The following FLRT2 variants were observed in gnomAD, a reference collection of about 807,000 sequenced individuals.
FLRT2 encodes the protein fibronectin leucine rich transmembrane protein 2, also known as leucine-rich repeat transmembrane protein FLRT2.
A neutral mutation model predicts 40.0 loss-of-function variants in FLRT2; 15 were observed. The ratio of observed to expected loss-of-function variants is 0.38; its 90% CI spans 0.25 to 0.58. The LOEUF (loss-of-function observed/expected upper bound fraction) is 0.58, where lower values mean the gene tolerates loss of function less well. Among genes scored for constraint, FLRT2 ranks in the 20% least tolerant of loss-of-function variants. The pLI is 0.71. For synonymous variants in FLRT2, 380 were observed against 336.8 expected, an observed-to-expected ratio of 1.13 and a Z score of -1.41; for missense variants, 726 against 840.0, an observed-to-expected ratio of 0.86 and a Z score of 1.68.
chr14:85,606,181 G>C (rs1337762801), intron 1 of FLRT2, among the ~76,000 whole-genome samples: 3 of 152,144 alleles, frequency 2.0e-5, no homozygotes, highest in Non-Finnish European at 2.9e-5. Context: ...CTTGGTGAGC[G>C]CACAGCTCAA....
In FLRT2 at chr14:85,648,202, T is replaced by A. The variant is rs1305060874; in HGVS notation, c.*24705T>A. ...GAATAGTTACTGTATGTTAGGCAGGTGCATGTTGTTATTGCTACTTTTTTC... is the reference window on the plus strand; with the variant it reads ...GAATAGTTACTGTATGTTAGGCAGGAGCATGTTGTTATTGCTACTTTTTTC... On this transcript the variant is annotated 3_prime_UTR_variant, in exon 2 of 2. Transcript: ENST00000330753. The A allele has an allele frequency of 2.0e-5, 3 of 152,134 alleles. No homozygotes were observed. Among genetic ancestry groups the A allele is most frequent in the African/African-American group, 7.2e-5 (3 of 41,432 alleles). 9.4% of individuals were successfully genotyped at this position (152,134 alleles called of 1,614,324 possible). A position where few individuals can be genotyped will look rare whatever the true frequency, so the allele number is the denominator to read the frequency against.
At chr14:85,555,336 C>A (rs1889881881) in intron 1 of FLRT2, among the ~76,000 whole-genome samples, 1 of 152,126 alleles carries the variant, frequency 6.6e-6, no homozygotes, top group Admixed American at 6.6e-5. Context: ...CTACCTGAGA[C>A]TGGGTAATTT....
chr14:85,620,355 G>T (rs1225363015), intron 1 of FLRT2, among the ~76,000 whole-genome samples: 1 of 152,054 alleles, frequency 6.6e-6, no homozygotes, highest in Non-Finnish European at 1.5e-5. Context: ...TTAAGTATAT[G>T]TATAGAAAAA....
At position 85,647,303 on chromosome 14, in the gene FLRT2, G is replaced by A. The variant is rs1053936441; in HGVS notation, c.*23806G>A. The A allele has an allele frequency of 1.3e-5, 2 of 152,112 alleles. No homozygotes were observed. The highest frequency in any genetic ancestry group is 4.8e-5 in the African/African-American group (2 of 41,420). The allele number at this position is 152,112 out of a possible 1,614,324, so 9.4% of individuals were successfully genotyped here. A position where few individuals can be genotyped will look rare whatever the true frequency, so the allele number is the denominator to read the frequency against. ...GTTTACTAACTTACTTAACAGAGGAGTTTTGTTTTCTTGTTATCTGTAGCA... is the reference window on the plus strand; with the variant it reads ...GTTTACTAACTTACTTAACAGAGGAATTTTGTTTTCTTGTTATCTGTAGCA... On this transcript the variant is annotated 3_prime_UTR_variant, in exon 2 of 2. Coordinates refer to ENST00000330753, the MANE Select transcript of FLRT2 (RefSeq NM_013231.6).
intron 1 of FLRT2, among the ~76,000 whole-genome samples, chr14:85,543,924 A>G (rs945988593): frequency 1.3e-5 from 2 of 151,864 alleles, no homozygotes; most frequent in East Asian, 1.9e-4. Context: ...TTACATGTCT[A>G]TCTCGCTCAT....
At chr14:85,534,971 C>T (rs939489862) in intron 1 of FLRT2, among the ~76,000 whole-genome samples, 3 of 152,104 alleles carry the variant, frequency 2.0e-5, no homozygotes, top group African/African-American at 4.8e-5. Context: ...AATCAGTCTT[C>T]AAGAGCTTTT....
At chr14:85,545,882 C>T (rs555657604) in intron 1 of FLRT2, among the ~76,000 whole-genome samples, 8 of 152,226 alleles carry the variant, frequency 5.3e-5, no homozygotes, top group East Asian at 1.9e-4. Flanking sequence ...TAATGGACAA[C>T]GGAATGACCA....
In FLRT2 at chr14:85,626,619, A is replaced by C. The variant is rs1893692620; in HGVS notation, c.*3122A>C. ...TTTGATTATAGAGAGACTCTGGGCC[A>C]CCCTCAAACACCGTCAGATGCATTA... On this transcript the variant is annotated 3_prime_UTR_variant, in exon 2 of 2. Coordinates refer to ENST00000330753, the MANE Select transcript of FLRT2 (RefSeq NM_013231.6). 6.0e-6 allele frequency: 1 copy of C among 167,068 alleles called. No homozygotes were observed. Among genetic ancestry groups the C allele is most frequent in the South Asian group, 2.1e-4 (1 of 4,830 alleles). 10.3% of individuals were successfully genotyped at this position (167,068 alleles called of 1,614,324 possible). A position where few individuals can be genotyped will look rare whatever the true frequency, so the allele number is the denominator to read the frequency against.
intron 1 of FLRT2, among the ~76,000 whole-genome samples, chr14:85,583,862 C>A (rs573443163): frequency 6.6e-6 from 1 of 151,566 alleles, no homozygotes; most frequent in Non-Finnish European, 1.5e-5. Context: ...TGCAAAGGTG[C>A]GCCTGTAATC....
rs1194188613 is a variant in FLRT2 at position 85,621,975 on chromosome 14, C to T, written c.461C>T (p.Ala154Val). Residue 154 changes from alanine to valine, a missense_variant, in exon 2 of 2, where the codon GCC becomes GTC. By Grantham distance (64) the Ala-to-Val change is moderately conservative. Transcript: ENST00000330753. Reference sequence around the variant, plus strand: ...TCCACAGTGGGGGTGGAAGACGGGGCCTTCCGGGAGGCTATTAGCCTCAAA... The same window carrying T: ...TCCACAGTGGGGGTGGAAGACGGGGTCTTCCGGGAGGCTATTAGCCTCAAA... ...SISTVGVEDG[A>V]FREAISLKLL... The T allele has an allele frequency of 1.2e-6, 2 of 1,600,330 alleles. No individual in the cohort carries two copies. The highest frequency in any genetic ancestry group is 2.2e-5 in the East Asian group (1 of 44,810).
intron 1 of FLRT2, among the ~76,000 whole-genome samples, chr14:85,558,619 C>T (rs556357512): frequency 6.6e-6 from 1 of 152,276 alleles, no homozygotes; most frequent in Non-Finnish European, 1.5e-5. Context: ...GCTTTAATTA[C>T]AGTGCTCCTT....
In FLRT2 at chr14:85,630,137, T is replaced by A. The variant is rs1304269495; in HGVS notation, c.*6640T>A. The stretch of plus-strand genomic sequence containing the variant: ...TATGCTCTTTTTTTTTCCCATAACA[T>A]AGATAAAAATGTGTGCTTTAGGGGA... On this transcript the variant is annotated 3_prime_UTR_variant, in exon 2 of 2. Coordinates refer to ENST00000330753, the MANE Select transcript of FLRT2 (RefSeq NM_013231.6). 9 of 152,246 alleles carry A rather than the reference T, an allele frequency of 5.9e-5. No individual in the cohort carries two copies. Among genetic ancestry groups the A allele is most frequent in the South Asian group, 2.1e-4 (1 of 4,828 alleles). The allele number at this position is 152,246 out of a possible 1,614,324, so 9.4% of individuals were successfully genotyped here.
chr14:85,623,863 C>G lies in FLRT2; in HGVS notation c.*366C>G. 1 of 191,750 alleles carries G rather than the reference C, an allele frequency of 5.2e-6. No individual in the cohort carries two copies. The allele number at this position is 191,750 out of a possible 1,614,324, so 11.9% of individuals were successfully genotyped here. On this transcript the variant is annotated 3_prime_UTR_variant, in exon 2 of 2. Coordinates refer to ENST00000330753, the MANE Select transcript of FLRT2 (RefSeq NM_013231.6). Reference sequence around the variant, plus strand: ...GCTGTTGAAGCTGTCAGAATAAATTCCTGGTGGTCAGATGAAAGGGCAGAT... The same window carrying G: ...GCTGTTGAAGCTGTCAGAATAAATTGCTGGTGGTCAGATGAAAGGGCAGAT...
intron 1 of FLRT2, among the ~76,000 whole-genome samples, chr14:85,543,872 T>C (rs1355034344): frequency 1.3e-5 from 2 of 152,208 alleles, no homozygotes; most frequent in Non-Finnish European, 2.9e-5. Flanking sequence ...GTTTGAACTT[T>C]GATTGGTTCT....
intron 1 of FLRT2, among the ~76,000 whole-genome samples, chr14:85,535,471 G>C (rs375979209): frequency 6.6e-6 from 1 of 152,040 alleles, no homozygotes; most frequent in South Asian, 2.1e-4. Context: ...TGAAGTGTTA[G>C]AACTAGATTC....
intron 1 of FLRT2, among the ~76,000 whole-genome samples, chr14:85,557,674 G>A (rs568908800): frequency 1.2e-4 from 19 of 152,110 alleles, no homozygotes; most frequent in Admixed American, 3.3e-4. Context: ...AAAATTAGCC[G>A]GGTGTGGTGG....
In FLRT2 at chr14:85,532,145, T is replaced by C. The variant is rs538651401; in HGVS notation, c.-377+1611T>C. Among the ~76,000 whole-genome samples, 70 of 152,346 alleles carry C rather than the reference T, an allele frequency of 4.6e-4. 1 individual carries two copies. The highest frequency in any genetic ancestry group is 1.6e-3 in the African/African-American group (67 of 41,592). ...GCGTCCGGAAATCATCCTCAGCCTG[T>C]GGCGGCCACTGCCCCACTTAAACTC... On this transcript the variant is annotated intron_variant, in intron 1 of 1. Transcript: ENST00000330753.
intron 1 of FLRT2, among the ~76,000 whole-genome samples, chr14:85,591,198 AT>A (rs1891869956): frequency 6.6e-6 from 1 of 152,204 alleles, no homozygotes; most frequent in South Asian, 2.1e-4. Flanking sequence ...ATTGGAATTA[AT>A]TTTGCAGATG....
chr14:85,533,713 A>G (rs1229509303), intron 1 of FLRT2, among the ~76,000 whole-genome samples: 1 of 151,946 alleles, frequency 6.6e-6, no homozygotes, highest in Admixed American at 6.5e-5. Context: ...GGACGGGGGA[A>G]GACGATGCCG....
Sources: gnomAD v4.1 joint callset for allele counts (sites outside exome capture counted in the v4.1 genomes callset) on GRCh38, gnomAD v4.1.1 for gene constraint, MANE v1.5 for transcripts, NCBI Gene and HGNC (gene_info 2026-07-23, HGNC 2026-07-21) for gene names.